RNF212: variants seen among roughly 807,000 people sequenced by gnomAD.
The protein encoded by RNF212 is probable E3 SUMO-protein ligase RNF212.
In RNF212, 33 loss-of-function variants were observed where a neutral mutation model predicts 34.7. That is an observed-to-expected ratio of 0.95 (90% CI 0.72 to 1.27). RNF212 has a LOEUF of 1.27. Among genes scored for constraint, RNF212 ranks in the 50% most tolerant of loss-of-function variants. The pLI is 0.00. For missense variants in RNF212, 377 were observed against 362.2 expected (o/e 1.04, Z -0.33); for synonymous variants, 140 against 136.1 (o/e 1.03, Z -0.20).
At chr4:1,099,431 G>C (rs915577718) in intron 2 of RNF212, among the ~76,000 whole-genome samples, 2 of 152,164 alleles carry the variant, frequency 1.3e-5, no homozygotes, top group African/African-American at 2.4e-5. Context: ...ATCTAAGTGA[G>C]TATTAACTGT....
intron 4 of RNF212, among the ~76,000 whole-genome samples, chr4:1,090,228 G>C (rs985892112): frequency 6.6e-6 from 1 of 152,022 alleles, no homozygotes; most frequent in Admixed American, 6.6e-5. Context: ...TGACAGGATG[G>C]AAGGGGAGTG....
At chr4:1,112,439 G>A (rs1725837194) in intron 1 of RNF212, among the ~76,000 whole-genome samples, 1 of 151,848 alleles carries the variant, frequency 6.6e-6, no homozygotes, top group Non-Finnish European at 1.5e-5. Flanking sequence ...AAAGCTCACT[G>A]TGTTTTTGCT....
chr4:1,076,490 G>A (rs1441920001), intron 8 of RNF212, among the ~76,000 whole-genome samples: 1 of 152,138 alleles, frequency 6.6e-6, no homozygotes, highest in Non-Finnish European at 1.5e-5. Flanking sequence ...GAACAGTGTG[G>A]GAGGTTCACC....
At chr4:1,070,292 C>T (rs188421145), downstream of RNF212, among the ~76,000 whole-genome samples, 225 of 132,344 alleles carry the variant, frequency 1.7e-3, 2 homozygotes, top group African/African-American at 6.3e-3. Flanking sequence ...GCCTGAGTTA[C>T]GGGTGGTTTT....
At chr4:1,076,766 A>C (rs1206448615) in intron 8 of RNF212, among the ~76,000 whole-genome samples, 4 of 152,240 alleles carry the variant, frequency 2.6e-5, no homozygotes, top group Non-Finnish European at 5.9e-5. Context: ...GGTGTGGCAC[A>C]GGGGTTGGCA....
intron 2 of RNF212, among the ~76,000 whole-genome samples, chr4:1,097,693 C>G (rs2153057130): frequency 6.6e-6 from 1 of 152,282 alleles, no homozygotes; most frequent in Non-Finnish European, 1.5e-5. Context: ...CCTTCCCTCA[C>G]TTTCCCCAGC....
At chr4:1,097,600 G>A (rs938033177) in intron 2 of RNF212, among the ~76,000 whole-genome samples, 1 of 150,758 alleles carries the variant, frequency 6.6e-6, no homozygotes, top group Non-Finnish European at 1.5e-5. Context: ...AACAGCATTT[G>A]GTTACAAGCC....
chr4:1,063,869 C>CA lies in RNF212; in HGVS notation n.148-5477dup, dbSNP rs1226421887. 8.5e-3 allele frequency among the ~76,000 whole-genome samples: 997 copies of CA among 117,452 alleles called. 7 individuals carry two copies. Among genetic ancestry groups the CA allele is most frequent in the South Asian group, 0.053 (198 of 3,768 alleles). The allele number at this position is 117,452 out of a possible 152,430, so 77.1% of individuals were successfully genotyped here. A position where few individuals can be genotyped will look rare whatever the true frequency, so the allele number is the denominator to read the frequency against. ...AGCCTGGGTGGCAGAGACCCAGTCT[C>CA]AAAAAAAAAAAAATGAAAAAAACCA... On this transcript the variant is annotated intron_variant and non_coding_transcript_variant, in intron 3 of 4. Transcript: ENST00000503206.
Position 1,061,056 on chromosome 4 carries a change from A to C in RNF212, n.148-2663T>G, listed in dbSNP as rs531313184. On this transcript the variant is annotated intron_variant and non_coding_transcript_variant, in intron 3 of 4. Transcript: ENST00000503206. ...AATTCAAGGCAGACAACAAATCAGA[A>C]AACATTGACTCCTGAAATCAGAACA... 2.7e-4 allele frequency among the ~76,000 whole-genome samples: 41 copies of C among 152,370 alleles called. 1 individual carries two copies. Among genetic ancestry groups the C allele is most frequent in the African/African-American group, 9.6e-4 (40 of 41,576 alleles).
downstream of RNF212, among the ~76,000 whole-genome samples, chr4:1,069,297 T>C (rs906745959): frequency 7.9e-5 from 12 of 152,206 alleles, no homozygotes; most frequent in African/African-American, 2.9e-4. Flanking sequence ...AAAGCTCTTC[T>C]TTATAGTAGA....
intron 8 of RNF212, among the ~76,000 whole-genome samples, chr4:1,076,041 T>C (rs1035458171): frequency 3.3e-5 from 5 of 152,214 alleles, no homozygotes; most frequent in Admixed American, 1.3e-4. Flanking sequence ...CAAAAAGATA[T>C]GTTAATCCTG....
downstream of RNF212, among the ~76,000 whole-genome samples, chr4:1,069,778 C>G (rs558829118): frequency 2.6e-5 from 4 of 152,298 alleles, no homozygotes; most frequent in Middle Eastern, 3.4e-3. Context: ...GAATTTGAGG[C>G]CTTTATTCTT....
chr4:1,094,162 G>A (rs1722674392), intron 3 of RNF212: 1 of 1,081,606 alleles, frequency 9.2e-7, no homozygotes. Context: ...CTCAGATCCT[G>A]GCTGCCCCCA....
intron 3 of RNF212, among the ~76,000 whole-genome samples, chr4:1,059,344 G>A (rs1270733888): frequency 6.6e-6 from 1 of 152,268 alleles, no homozygotes; most frequent in East Asian, 1.9e-4. Context: ...AAGAAGGAAA[G>A]CTGTCTTACT....
chr4:1,101,414 C>G (rs968836930), intron 2 of RNF212: 1 of 164,150 alleles, frequency 6.1e-6, no homozygotes, highest in Non-Finnish European at 1.3e-5. Flanking sequence ...TCTGGCTCAT[C>G]GTTCTGAAAG....
intron 4 of RNF212, among the ~76,000 whole-genome samples, chr4:1,090,402 C>G (rs1015568398): frequency 6.6e-6 from 1 of 152,134 alleles, no homozygotes; most frequent in Non-Finnish European, 1.5e-5. Flanking sequence ...CTGACTTTAC[C>G]GACTACATAA....
chr4:1,094,002 A>G, intron 3 of RNF212: 1 of 1,534,672 alleles, frequency 6.5e-7, no homozygotes, highest in East Asian at 2.4e-5. Context: ...CAGCCTCGGG[A>G]AAGCCTGAGA....
chr4:1,082,204 A>G (rs1305409022), intron 5 of RNF212, among the ~76,000 whole-genome samples: 1 of 152,204 alleles, frequency 6.6e-6, no homozygotes, highest in Non-Finnish European at 1.5e-5. Flanking sequence ...AAATATGGAC[A>G]AGTTACTTGG....
chr4:1,091,926 CAGA>C (rs1347603993), intron 3 of RNF212, among the ~76,000 whole-genome samples: 1 of 152,232 alleles, frequency 6.6e-6, no homozygotes, highest in Non-Finnish European at 1.5e-5. Context: ...GAGGAGTGGA[CAGA>C]AGGACTCCGC....
Sources: allele counts gnomAD v4.1 joint callset (sites outside exome capture counted in the v4.1 genomes callset), GRCh38; gene constraint gnomAD v4.1.1; transcripts MANE v1.5; gene names NCBI Gene and HGNC (gene_info 2026-07-23, HGNC 2026-07-21).